The following TIA1 variants were observed in gnomAD, a reference collection of about 807,000 sequenced individuals.
TIA1 encodes the protein cytotoxic granule associated RNA binding protein TIA1.
TIA1 carries 23 observed loss-of-function variants against 65.9 expected under a neutral mutation model. The ratio of observed to expected loss-of-function variants is 0.35; its 90% CI spans 0.25 to 0.49. The LOEUF (loss-of-function observed/expected upper bound fraction) is 0.49. Among genes scored for constraint, TIA1 ranks in the 20% least tolerant of loss-of-function variants. The pLI is 0.98. For synonymous variants in TIA1, 147 were observed against 149.4 expected, an observed-to-expected ratio of 0.98 and a Z score of 0.12; for missense variants, 371 against 477.9, an observed-to-expected ratio of 0.78 and a Z score of 2.09.
At chr2:70,219,984 G>C (rs142977193) in intron 7 of TIA1, among the ~76,000 whole-genome samples, 4 of 152,004 alleles carry the variant, frequency 2.6e-5, no homozygotes, top group African/African-American at 9.7e-5. Flanking sequence ...CCCTCAAAAC[G>C]ATATGAAGTC....
chr2:70,235,645 TTAAAAA>T (rs1206159044), intron 2 of TIA1, among the ~76,000 whole-genome samples: 1 of 151,874 alleles, frequency 6.6e-6, no homozygotes, highest in Admixed American at 6.6e-5. Flanking sequence ...ATGATGACCT[TTAAAAA>T]TAAAGTTAAA....
At chr2:70,238,264 T>TTTTG (rs1689998195) in intron 1 of TIA1, among the ~76,000 whole-genome samples, 1 of 124,264 alleles carries the variant, frequency 8.0e-6, no homozygotes, top group Non-Finnish European at 1.7e-5. Context: ...CCCCAAGTTT[T>TTTTG]TTTTTTTTTT....
At chr2:70,227,888 A>G in intron 5 of TIA1, 66 bp from the exon 6 acceptor site, 2 of 1,061,214 alleles carry the variant, frequency 1.9e-6, no homozygotes, top group Non-Finnish European at 2.8e-6. Flanking sequence ...AAGTACTAAA[A>G]TCTATCCAAT....
chr2:70,224,410 C>CA, intron 7 of TIA1, 144 bp downstream of exon 7: 2 of 1,203,558 alleles, frequency 1.7e-6, no homozygotes, highest in African/African-American at 1.5e-5. Context: ...GTTAAACAGA[C>CA]AAAACAGAAG....
intron 1 of TIA1, among the ~76,000 whole-genome samples, chr2:70,240,946 TC>T (rs1422043545): frequency 1.3e-5 from 2 of 151,772 alleles, no homozygotes; most frequent in Non-Finnish European, 2.9e-5. Flanking sequence ...TTTAAATGGA[TC>T]CCGGATGAGG....
intron 1 of TIA1, among the ~76,000 whole-genome samples, chr2:70,242,727 G>A (rs1266498389): frequency 6.6e-6 from 1 of 152,146 alleles, no homozygotes; most frequent in East Asian, 1.9e-4. Context: ...GAGGTGAGCA[G>A]CAGGGGAGGG....
chr2:70,234,354 TCATCTTTCCC>T (rs370838500), intron 2 of TIA1, among the ~76,000 whole-genome samples: 13 of 152,338 alleles, frequency 8.5e-5, no homozygotes, highest in African/African-American at 2.9e-4. Context: ...AAATTTCTCT[TCATCTTTCCC>T]CATCTTTCCC....
chr2:70,215,310 T>C, intron 11 of TIA1, 61 bp downstream of exon 11: 1 of 1,600,558 alleles, frequency 6.2e-7, no homozygotes, highest in South Asian at 1.1e-5. Context: ...ATCAACAATC[T>C]TCACCTTAAA....
intron 1 of TIA1, among the ~76,000 whole-genome samples, chr2:70,239,335 G>T (rs958298845): frequency 2.0e-5 from 3 of 152,080 alleles, no homozygotes; most frequent in African/African-American, 2.4e-5. Flanking sequence ...CTCGTGATCT[G>T]CTTGCCTCGG....
At chr2:70,226,462 C>T (rs535169314) in intron 6 of TIA1, among the ~76,000 whole-genome samples, 1 of 152,118 alleles carries the variant, frequency 6.6e-6, no homozygotes, top group African/African-American at 2.4e-5. Flanking sequence ...AAATGTTAGT[C>T]TTGAAAAATA....
chr2:70,216,924 G>A lies in TIA1; in HGVS notation c.545C>T (p.Ala182Val). ...LGGRQIRTNW[A>V]TRKPPAPKST... Reference sequence around the variant, plus strand: ...CTTTGGAGCGGGAGGCTTTCGGGTTGCCCAGTTAGTTCTGATTTGTCTTCC... The same window carrying A: ...CTTTGGAGCGGGAGGCTTTCGGGTTACCCAGTTAGTTCTGATTTGTCTTCC... The change falls in exon 8 of 13, where the codon GCA becomes GTA. Residue 182 changes from alanine (A) to valine (V), a missense_variant. Physicochemically the swap from Ala to Val is moderately conservative, Grantham distance 64 (BLOSUM62 0). Coordinates refer to ENST00000433529, the MANE Select transcript of TIA1 (RefSeq NM_022173.4). 6.2e-7 allele frequency: 1 copy of A among 1,613,950 alleles called. No homozygotes were observed. Among genetic ancestry groups the A allele is most frequent in the Non-Finnish European group, 8.5e-7 (1 of 1,179,932 alleles).
At chr2:70,230,148 C>G (rs745573551) in intron 3 of TIA1, among the ~76,000 whole-genome samples, 1 of 149,884 alleles carries the variant, frequency 6.7e-6, no homozygotes, top group South Asian at 2.1e-4. Flanking sequence ...GAGGCTGAGG[C>G]AGGAGAATGG....
Position 70,210,895 on chromosome 2 carries a change from C to G in TIA1, c.*1824G>C, listed in dbSNP as rs1447919718. On this transcript the variant is annotated 3_prime_UTR_variant, in exon 13 of 13. Coordinates refer to ENST00000433529, the MANE Select transcript of TIA1 (RefSeq NM_022173.4). Reference sequence around the variant, plus strand: ...TAATGTATCAACACTTAAAAATACACAGTGACTTAATGAAATATCAGCACA... The same window carrying G: ...TAATGTATCAACACTTAAAAATACAGAGTGACTTAATGAAATATCAGCACA... The G allele has an allele frequency of 6.6e-6, 1 of 152,186 alleles. No individual in the cohort carries two copies. The highest frequency in any genetic ancestry group is 2.4e-5 in the African/African-American group (1 of 41,456). 9.4% of individuals were successfully genotyped at this position (152,186 alleles called of 1,614,324 possible). A position where few individuals can be genotyped will look rare whatever the true frequency, so the allele number is the denominator to read the frequency against.
chr2:70,216,711 G>T (rs1270050280), intron 8 of TIA1, 175 bp downstream of exon 8: 2 of 1,487,866 alleles, frequency 1.3e-6, no homozygotes, highest in Non-Finnish European at 1.8e-6. Flanking sequence ...CTTGACATTA[G>T]AAATAATATT....
intron 6 of TIA1, among the ~76,000 whole-genome samples, chr2:70,226,015 C>CA (rs1018725417): frequency 1.3e-5 from 2 of 151,942 alleles, no homozygotes; most frequent in African/African-American, 2.4e-5. Context: ...TTAACAACAA[C>CA]AAAAAATCAG....
chr2:70,248,645 A>C, upstream of TIA1: 2 of 648,994 alleles, frequency 3.1e-6, no homozygotes, highest in Non-Finnish European at 5.3e-6. Context: ...GGAGCCTAGG[A>C]GCAGCCAGCA....
At chr2:70,232,544 A>C (rs1686943073) in intron 2 of TIA1, among the ~76,000 whole-genome samples, 1 of 70,320 alleles carries the variant, frequency 1.4e-5, no homozygotes, top group African/African-American at 9.7e-5. Flanking sequence ...CTGTCTCAAA[A>C]AAAAAAAAAA....
At chr2:70,245,858 C>CT (rs1233467859) in intron 1 of TIA1, among the ~76,000 whole-genome samples, 1 of 150,564 alleles carries the variant, frequency 6.6e-6, no homozygotes, top group Non-Finnish European at 1.5e-5. Context: ...AATTCAGACT[C>CT]TATTTTATCC....
chr2:70,224,472 G>A (rs754437948), intron 7 of TIA1, 82 bp downstream of exon 7: 62 of 1,577,934 alleles, frequency 3.9e-5, no homozygotes, highest in Middle Eastern at 1.7e-4. Context: ...AACAGCAGAC[G>A]AAAAAAAGAT....
Sources: allele counts gnomAD v4.1 joint callset (sites outside exome capture counted in the v4.1 genomes callset), GRCh38; gene constraint gnomAD v4.1.1; transcripts MANE v1.5; gene names NCBI Gene and HGNC (gene_info 2026-07-23, HGNC 2026-07-21).